Variants in IQGAP1 observed in about 807,000 individuals in gnomAD.
The protein encoded by IQGAP1 is IQ motif containing GTPase activating protein 1.
IQGAP1 carries 66 observed loss-of-function variants against 215.6 expected under a neutral mutation model. The observed-to-expected ratio is 0.31, with a 90% confidence interval of 0.25 to 0.38. The LOEUF (loss-of-function observed/expected upper bound fraction) is 0.38, where lower values mean the gene tolerates loss of function less well. Ranked by LOEUF, IQGAP1 falls within the 10% of genes least tolerant of loss-of-function variation. The pLI is 1.00. For missense variants in IQGAP1, 1,712 were observed against 1,997.1 expected (o/e 0.86, Z 2.72); for synonymous variants, 772 against 728.7 (o/e 1.06, Z -0.96).
At chr15:90,414,897 T>G (rs2601203) in intron 2 of IQGAP1, among the ~76,000 whole-genome samples, 58,753 of 152,054 alleles carry the variant, frequency 0.39, 12,102 homozygotes, top group East Asian at 0.71. Context: ...GGTGTCCCCA[T>G]TCTTGTTTAA....
At chr15:90,391,979 G>T (rs964532062) in intron 2 of IQGAP1, 2 of 152,176 alleles carry the variant, frequency 1.3e-5, no homozygotes, top group Admixed American at 1.3e-4. Context: ...ATCTTAAAAT[G>T]CTACAAGAAA....
intron 1 of IQGAP1, among the ~76,000 whole-genome samples, 180 bp from the exon 2 acceptor site, chr15:90,390,594 A>G (rs894211091): frequency 1.3e-5 from 2 of 152,204 alleles, no homozygotes; most frequent in Admixed American, 1.3e-4. Flanking sequence ...CAAGATGATT[A>G]TAGTTGAAAC....
chr15:90,500,214 C>A lies in IQGAP1; in HGVS notation c.*106C>A. 1 of 666,542 alleles carries A rather than the reference C, an allele frequency of 1.5e-6. No individual in the cohort carries two copies. Among genetic ancestry groups the A allele is most frequent in the Non-Finnish European group, 2.7e-6 (1 of 366,788 alleles). The allele number at this position is 666,542 out of a possible 1,614,324, so 41.3% of individuals were successfully genotyped here. Reference sequence around the variant, plus strand: ...GAAGCAAAGACCTAGCCAACAACAGCACCTCAATCTGATACACTCCCGATG... The same window carrying A: ...GAAGCAAAGACCTAGCCAACAACAGAACCTCAATCTGATACACTCCCGATG... On this transcript the variant is annotated 3_prime_UTR_variant, in exon 38 of 38. Coordinates refer to ENST00000268182, the MANE Select transcript of IQGAP1 (RefSeq NM_003870.4).
intron 14 of IQGAP1, among the ~76,000 whole-genome samples, chr15:90,455,108 C>A (rs1208531489): frequency 6.6e-6 from 1 of 152,160 alleles, no homozygotes; most frequent in Non-Finnish European, 1.5e-5. Flanking sequence ...CTGTGAGAGT[C>A]CCCAATATGA....
At chr15:90,422,646 GTATATATATATATGTA>G (rs1433177705) in intron 2 of IQGAP1, among the ~76,000 whole-genome samples, 1 of 60,242 alleles carries the variant, frequency 1.7e-5, no homozygotes, top group African/African-American at 7.4e-5. Context: ...ATATGTATAT[GTATATATATATATGTA>G]TATATATATA....
chr15:90,417,093 G>C (rs1022418572), intron 2 of IQGAP1, among the ~76,000 whole-genome samples: 2 of 152,154 alleles, frequency 1.3e-5, no homozygotes, highest in African/African-American at 4.8e-5. Context: ...GTTCTTTGTA[G>C]ATTCTGGATA....
At chr15:90,471,277 T>C (rs1335285021) in intron 18 of IQGAP1, among the ~76,000 whole-genome samples, 1 of 152,134 alleles carries the variant, frequency 6.6e-6, no homozygotes, top group Non-Finnish European at 1.5e-5. Flanking sequence ...TTGTGCTCTG[T>C]CATTCTTAGC....
chr15:90,456,265 G>T lies in IQGAP1; in HGVS notation c.1726G>T (p.Ala576Ser). The change falls in exon 15 of 38, where the codon GCC (alanine) becomes TCC (serine). Residue 576 changes from alanine to serine, a missense_variant. Ala to Ser is a moderately conservative substitution (Grantham distance 99). Coordinates refer to ENST00000268182, the MANE Select transcript of IQGAP1 (RefSeq NM_003870.4). ...AKLEGVLAEV[A>S]QHYQDTLIRA... Reference sequence around the variant, plus strand: ...ACTTGAGGGAGTCCTTGCAGAAGTGGCCCAGCATTACCAAGACACGCTGAT... The same window carrying T: ...ACTTGAGGGAGTCCTTGCAGAAGTGTCCCAGCATTACCAAGACACGCTGAT... The T allele has an allele frequency of 2.5e-6, 4 of 1,614,024 alleles. No individual in the cohort carries two copies. Among genetic ancestry groups the T allele is most frequent in the Non-Finnish European group, 3.4e-6 (4 of 1,179,968 alleles).
At chr15:90,468,116 G>A (rs1254529371) in intron 18 of IQGAP1, among the ~76,000 whole-genome samples, 2 of 151,540 alleles carry the variant, frequency 1.3e-5, no homozygotes, top group Non-Finnish European at 2.9e-5. Context: ...CACCTAGGCT[G>A]GAGTGCAGTG....
intron 2 of IQGAP1, among the ~76,000 whole-genome samples, chr15:90,422,634 ATATATGTATATGTATATATATATATG>A (rs1567120922): frequency 0.023 from 2,048 of 89,882 alleles, 104 homozygotes; most frequent in East Asian, 0.13. Context: ...ATGTATATAT[ATATATGTATATGTATATATATATATG>A]TATATATATA....
At chr15:90,478,153 G>A (rs910661360) in intron 26 of IQGAP1, among the ~76,000 whole-genome samples, 31 of 152,068 alleles carry the variant, frequency 2.0e-4, no homozygotes, top group South Asian at 1.7e-3. Context: ...TACCACACCT[G>A]TCTGATTTTT....
chr15:90,430,847 T>C (rs1231455296), intron 4 of IQGAP1, among the ~76,000 whole-genome samples: 1 of 150,786 alleles, frequency 6.6e-6, no homozygotes, highest in Non-Finnish European at 1.5e-5. Flanking sequence ...TTGTTCAATA[T>C]AGAAATATTG....
chr15:90,438,882 G>A (rs772461975), intron 5 of IQGAP1, among the ~76,000 whole-genome samples: 25 of 152,006 alleles, frequency 1.6e-4, no homozygotes, highest in Middle Eastern at 3.4e-3. Context: ...ATGCCACCAC[G>A]CCTGGCTAAT....
chr15:90,447,221 A>G (rs890950214), intron 9 of IQGAP1, among the ~76,000 whole-genome samples: 8 of 152,334 alleles, frequency 5.3e-5, no homozygotes, highest in African/African-American at 1.7e-4. Context: ...AGAAGCCACC[A>G]CCTTGGTATG....
intron 22 of IQGAP1, 50 bp downstream of exon 22, chr15:90,474,183 C>T: frequency 6.7e-7 from 1 of 1,493,296 alleles, no homozygotes; most frequent in Non-Finnish European, 9.2e-7. Flanking sequence ...TGGGAGCCAC[C>T]AAGTTCAGGG....
At chr15:90,445,701 A>T (rs572373521) in intron 9 of IQGAP1, among the ~76,000 whole-genome samples, 1 of 152,234 alleles carries the variant, frequency 6.6e-6, no homozygotes, top group Admixed American at 6.5e-5. Context: ...ACTCATAACA[A>T]TAATAATAGT....
intron 2 of IQGAP1, among the ~76,000 whole-genome samples, chr15:90,395,382 G>T (rs1964700069): frequency 6.6e-6 from 1 of 151,686 alleles, no homozygotes; most frequent in African/African-American, 2.4e-5. Flanking sequence ...GTGCAATGAC[G>T]CTATCTCGGC....
At chr15:90,499,687 G>A (rs1469645129) in intron 37 of IQGAP1, among the ~76,000 whole-genome samples, 1 of 152,150 alleles carries the variant, frequency 6.6e-6, no homozygotes, top group Non-Finnish European at 1.5e-5. Flanking sequence ...GATGTGTGTG[G>A]CAATTGAACA....
intron 23 of IQGAP1, chr15:90,475,737 A>G (rs995840161): frequency 7.1e-6 from 1 of 141,354 alleles, no homozygotes; most frequent in African/African-American, 2.7e-5. Flanking sequence ...TGGGTGACAG[A>G]GTGAAACTCT....
Sources: allele counts gnomAD v4.1 joint callset (sites outside exome capture counted in the v4.1 genomes callset), GRCh38; gene constraint gnomAD v4.1.1; transcripts MANE v1.5; gene names NCBI Gene and HGNC (gene_info 2026-07-23, HGNC 2026-07-21).